C12orf56: variants seen among roughly 807,000 people sequenced by gnomAD.
The protein encoded by C12orf56 is uncharacterized protein C12orf56.
C12orf56 carries 71 observed loss-of-function variants against 69.9 expected under a neutral mutation model. The ratio of observed to expected loss-of-function variants is 1.02; its 90% CI spans 0.84 to 1.24. C12orf56 has a LOEUF of 1.24. Ranked by LOEUF, C12orf56 falls within the 50% of genes most tolerant of loss-of-function variation. The pLI, the probability that C12orf56 is intolerant of heterozygous loss-of-function variation, is 0.00. For synonymous variants in C12orf56, 276 were observed against 274.1 expected, an observed-to-expected ratio of 1.01 and a Z score of -0.07; for missense variants, 732 against 738.5, an observed-to-expected ratio of 0.99 and a Z score of 0.10.
chr12:64,326,040 C>T (rs549699491), intron 3 of C12orf56, among the ~76,000 whole-genome samples: 12 of 152,190 alleles, frequency 7.9e-5, no homozygotes, highest in Middle Eastern at 6.8e-3. Context: ...ACCATATATA[C>T]CCTTCTACCT....
At chr12:64,294,236 G>C (rs1048199462) in intron 6 of C12orf56, among the ~76,000 whole-genome samples, 2 of 152,076 alleles carry the variant, frequency 1.3e-5, no homozygotes, top group African/African-American at 2.4e-5. Flanking sequence ...TACTGTTGGT[G>C]GAAGTAGAAA....
At chr12:64,339,403 A>G (rs528544065) in intron 2 of C12orf56, among the ~76,000 whole-genome samples, 1 of 152,298 alleles carries the variant, frequency 6.6e-6, no homozygotes, top group African/African-American at 2.4e-5. Context: ...ATATTCAGGA[A>G]TAGCCAAGTG....
At chr12:64,338,890 T>C in intron 2 of C12orf56, 2 of 587,976 alleles carry the variant, frequency 3.4e-6, no homozygotes, top group Non-Finnish European at 3.1e-6. Flanking sequence ...GTGCAGACCT[T>C]GGTTTCCTTT....
Position 64,266,747 on chromosome 12 carries a change from C to CA in C12orf56, c.*435dup. The CA allele has an allele frequency of 2.9e-6, 1 of 345,256 alleles. No individual in the cohort carries two copies. Among genetic ancestry groups the CA allele is most frequent in the South Asian group, 1.1e-4 (1 of 9,462 alleles). 21.4% of individuals were successfully genotyped at this position (345,256 alleles called of 1,614,324 possible). A position where few individuals can be genotyped will look rare whatever the true frequency, so the allele number is the denominator to read the frequency against. On this transcript the variant is annotated 3_prime_UTR_variant, in exon 13 of 13. Coordinates refer to ENST00000543942, the MANE Select transcript of C12orf56 (RefSeq NM_001170633.2). ...TGAATGCCCATGCCTCAGGCCCCCA[C>CA]ACTCCCCGGCATCCTATTGCTTAAG...
chr12:64,279,882 A>C (rs1287876974), intron 8 of C12orf56, among the ~76,000 whole-genome samples: 1 of 152,192 alleles, frequency 6.6e-6, no homozygotes, highest in Non-Finnish European at 1.5e-5. Flanking sequence ...ATATTGTTTG[A>C]ACTGGCATTC....
At chr12:64,305,559 T>G (rs1428824595) in intron 5 of C12orf56, among the ~76,000 whole-genome samples, 2 of 152,110 alleles carry the variant, frequency 1.3e-5, no homozygotes, top group Non-Finnish European at 2.9e-5. Context: ...TTTTTTGTAT[T>G]TTTAGTAGAG....
chr12:64,320,336 C>T (rs568004919), intron 3 of C12orf56, among the ~76,000 whole-genome samples: 229 of 152,134 alleles, frequency 1.5e-3, no homozygotes, highest in African/African-American at 5.2e-3. Context: ...AAGGACACCC[C>T]GGTAACAATG....
At chr12:64,365,020 A>G (rs1438230575) in intron 1 of C12orf56, among the ~76,000 whole-genome samples, 1 of 152,176 alleles carries the variant, frequency 6.6e-6, no homozygotes, top group Admixed American at 6.6e-5. Context: ...GGGGAAAGGA[A>G]AATAAATGAA....
intron 1 of C12orf56, among the ~76,000 whole-genome samples, chr12:64,362,754 T>A (rs1023091594): frequency 6.6e-6 from 1 of 151,918 alleles, no homozygotes; most frequent in Non-Finnish European, 1.5e-5. Context: ...CATAAAAAAA[T>A]AGCCAATTTA....
At chr12:64,312,355 C>T (rs1369251910) in intron 5 of C12orf56, among the ~76,000 whole-genome samples, 1 of 151,870 alleles carries the variant, frequency 6.6e-6, no homozygotes, top group Admixed American at 6.6e-5. Context: ...ACATGCAATC[C>T]CAGCACTTTG....
rs2038957779 is a variant in C12orf56 at position 64,333,527 on chromosome 12, A to G, written c.416-2495T>C. On this transcript the variant is annotated intron_variant, in intron 2 of 12. Coordinates refer to ENST00000543942, the MANE Select transcript of C12orf56 (RefSeq NM_001170633.2). The stretch of plus-strand genomic sequence containing the variant: ...TTTATTTTTTTATTTTTTTGAGAAG[A>G]GTCTCACTCTGTCGCCCAGGCTGGA... 1.3e-5 allele frequency among the ~76,000 whole-genome samples: 2 copies of G among 151,596 alleles called. 1 individual carries two copies. The highest frequency in any genetic ancestry group is 4.2e-4 in the South Asian group (2 of 4,818).
intron 11 of C12orf56, among the ~76,000 whole-genome samples, chr12:64,270,928 G>A (rs1431557544): frequency 6.6e-6 from 1 of 152,182 alleles, no homozygotes; most frequent in Non-Finnish European, 1.5e-5. Context: ...AGCACTTTGG[G>A]AGACCAAGGC....
At chr12:64,383,159 T>TA (rs1361030040) in intron 1 of C12orf56, among the ~76,000 whole-genome samples, 1 of 150,764 alleles carries the variant, frequency 6.6e-6, no homozygotes, top group Non-Finnish European at 1.5e-5. Flanking sequence ...TCTACAAAAA[T>TA]TACAAAAAAT....
At chr12:64,331,947 A>AT (rs1347764322) in intron 2 of C12orf56, among the ~76,000 whole-genome samples, 2 of 137,560 alleles carry the variant, frequency 1.5e-5, no homozygotes, top group Admixed American at 7.3e-5. Context: ...TTATCCTTAA[A>AT]TAAAAAAAAA....
At chr12:64,350,864 A>G (rs1270935553) in intron 2 of C12orf56, among the ~76,000 whole-genome samples, 2 of 152,234 alleles carry the variant, frequency 1.3e-5, no homozygotes, top group African/African-American at 4.8e-5. Flanking sequence ...TATTTTGCAA[A>G]CAACTCAGTC....
chr12:64,297,969 C>A (rs932424578), intron 6 of C12orf56, among the ~76,000 whole-genome samples: 1 of 152,178 alleles, frequency 6.6e-6, no homozygotes, highest in Non-Finnish European at 1.5e-5. Context: ...ACACTGCCTT[C>A]CACAATGGTT....
intron 1 of C12orf56, among the ~76,000 whole-genome samples, chr12:64,353,474 T>C (rs778609544): frequency 5.3e-5 from 8 of 151,974 alleles, no homozygotes; most frequent in Non-Finnish European, 1.0e-4. Flanking sequence ...TTCTTTTTTT[T>C]TTTCCCCTTC....
At chr12:64,364,806 C>T (rs1038369149) in intron 1 of C12orf56, among the ~76,000 whole-genome samples, 3 of 151,936 alleles carry the variant, frequency 2.0e-5, no homozygotes, top group Non-Finnish European at 1.5e-5. Context: ...CTTGGGAGCC[C>T]CCTACACAGT....
chr12:64,371,925 G>GCACGCAC (rs2039577841), intron 1 of C12orf56, among the ~76,000 whole-genome samples: 1 of 71,652 alleles, frequency 1.4e-5, no homozygotes, highest in Non-Finnish European at 2.7e-5. Flanking sequence ...TTTTTTTTTT[G>GCACGCAC]CACGCACCAC....
Sources: allele counts gnomAD v4.1 joint callset (sites outside exome capture counted in the v4.1 genomes callset), GRCh38; gene constraint gnomAD v4.1.1; transcripts MANE v1.5; gene names NCBI Gene and HGNC (gene_info 2026-07-23, HGNC 2026-07-21).